METTL24: variants seen among roughly 807,000 people sequenced by gnomAD.
The protein encoded by METTL24 is methyltransferase like 24, also known as probable methyltransferase-like protein 24.
In METTL24, 29 loss-of-function variants were observed where a neutral mutation model predicts 32.7. The observed-to-expected ratio is 0.89, with a 90% CI of 0.66 to 1.21. The LOEUF (loss-of-function observed/expected upper bound fraction) is 1.21, where lower values mean the gene tolerates loss of function less well. Among genes scored for constraint, METTL24 ranks in the 50% most tolerant of loss-of-function variants. The pLI, the probability that METTL24 is intolerant of heterozygous loss-of-function variation, is 0.00. For missense variants in METTL24, 439 were observed against 468.1 expected (o/e 0.94, Z 0.57); for synonymous variants, 163 against 179.5 (o/e 0.91, Z 0.73).
intron 3 of METTL24, 47 bp from the exon 4 acceptor site, chr6:110,299,197 CA>C: frequency 1.3e-6 from 2 of 1,549,332 alleles, no homozygotes; most frequent in Non-Finnish European, 1.8e-6. Context: ...TGCAATGAAG[CA>C]AAGTGTTGGA....
intron 1 of METTL24, among the ~76,000 whole-genome samples, chr6:110,328,185 A>C (rs567863467): frequency 1.3e-5 from 2 of 152,324 alleles, no homozygotes; most frequent in African/African-American, 4.8e-5. Context: ...GGGCATTCAT[A>C]CAGAGGGGCC....
chr6:110,349,081 C>G (rs908128799), intron 1 of METTL24, among the ~76,000 whole-genome samples: 2 of 152,192 alleles, frequency 1.3e-5, no homozygotes, highest in Non-Finnish European at 2.9e-5. Flanking sequence ...TGAGGCATCC[C>G]AAACAGCGAA....
At chr6:110,265,183 AAGAAAGAAAG>A (rs1304103828) in intron 4 of METTL24, among the ~76,000 whole-genome samples, 1 of 137,716 alleles carries the variant, frequency 7.3e-6, no homozygotes, top group Non-Finnish European at 1.6e-5. Context: ...GAAAGAAAGA[AAGAAAGAAAG>A]AAAGAAAGTT....
intron 4 of METTL24, among the ~76,000 whole-genome samples, chr6:110,255,158 T>C (rs1358305947): frequency 6.6e-6 from 1 of 152,160 alleles, no homozygotes; most frequent in Non-Finnish European, 1.5e-5. Context: ...TCTGAACTAA[T>C]AATAAAATAA....
chr6:110,294,168 G>C (rs940012455), intron 4 of METTL24, among the ~76,000 whole-genome samples: 2 of 151,944 alleles, frequency 1.3e-5, no homozygotes, highest in African/African-American at 4.8e-5. Flanking sequence ...TGGTGAGAGA[G>C]AGTGAGAGAG....
chr6:110,306,832 G>T (rs1333572914), intron 3 of METTL24, among the ~76,000 whole-genome samples: 1 of 152,154 alleles, frequency 6.6e-6, no homozygotes, highest in Non-Finnish European at 1.5e-5. Context: ...ATCCAATCCA[G>T]GTAGATCCAG....
intron 4 of METTL24, among the ~76,000 whole-genome samples, chr6:110,264,901 T>TC (rs1362379104): frequency 2.0e-5 from 3 of 151,736 alleles, no homozygotes; most frequent in African/African-American, 7.3e-5. Flanking sequence ...ATGTTCTCAC[T>TC]CATAGGTGGG....
intron 3 of METTL24, among the ~76,000 whole-genome samples, chr6:110,300,090 A>C (rs2114732837): frequency 6.6e-6 from 1 of 152,272 alleles, no homozygotes; most frequent in Non-Finnish European, 1.5e-5. Flanking sequence ...TTTTTCAATA[A>C]ATACAGTGAG....
chr6:110,251,937 A>G (rs1348432000), intron 4 of METTL24, among the ~76,000 whole-genome samples: 1 of 152,162 alleles, frequency 6.6e-6, no homozygotes, highest in African/African-American at 2.4e-5. Flanking sequence ...TGAGGCCAGG[A>G]TTTCGAGACC....
chr6:110,292,697 T>C (rs1364827381), intron 4 of METTL24, among the ~76,000 whole-genome samples: 1 of 152,062 alleles, frequency 6.6e-6, no homozygotes, highest in Non-Finnish European at 1.5e-5. Context: ...TTTTGTGACT[T>C]CCTAACTCCA....
chr6:110,356,990 A>T (rs1481339595), intron 1 of METTL24, among the ~76,000 whole-genome samples: 1 of 152,096 alleles, frequency 6.6e-6, no homozygotes, highest in African/African-American at 2.4e-5. Context: ...GCAAAGGAAG[A>T]GTTGTTCCCT....
chr6:110,261,671 C>G (rs989109608), intron 4 of METTL24, among the ~76,000 whole-genome samples: 1 of 152,198 alleles, frequency 6.6e-6, no homozygotes, highest in Non-Finnish European at 1.5e-5. Flanking sequence ...ACATTCTTCT[C>G]AGCACCACAC....
In METTL24 at chr6:110,245,667, A is replaced by T. The variant is rs917613149; in HGVS notation, c.*279T>A. Among the ~76,000 whole-genome samples, 1 of 152,242 alleles carries T rather than the reference A, an allele frequency of 6.6e-6. No individual in the cohort carries two copies. Among genetic ancestry groups the T allele is most frequent in the Non-Finnish European group, 1.5e-5 (1 of 68,038 alleles). ...GAATTCATAGATTATAGATACATAGAGAATTTTAGGGAAAACTGTGATGAG... is the reference window on the plus strand; with the variant it reads ...GAATTCATAGATTATAGATACATAGTGAATTTTAGGGAAAACTGTGATGAG... On this transcript the variant is annotated 3_prime_UTR_variant, in exon 5 of 5. Transcript: ENST00000338882.
intron 1 of METTL24, among the ~76,000 whole-genome samples, chr6:110,334,055 G>A (rs773110747): frequency 6.7e-6 from 1 of 150,324 alleles, no homozygotes; most frequent in Non-Finnish European, 1.5e-5. Flanking sequence ...AAAAAAAGTG[G>A]GGGGAGGAAT....
At chr6:110,330,257 C>T (rs1419169606) in intron 1 of METTL24, among the ~76,000 whole-genome samples, 2 of 152,190 alleles carry the variant, frequency 1.3e-5, no homozygotes, top group African/African-American at 2.4e-5. Context: ...TCTGCGAAAA[C>T]GGAAGTTTCC....
rs533597923 is a variant in METTL24, at chr6:110,298,903, A to G, written c.786+19T>C. The stretch of plus-strand genomic sequence containing the variant: ...TTTGTTTACTTTATTCAAGTATAAA[A>G]TCAAATGAAAAACCTCACCTTGTGA... On this transcript the variant is annotated intron_variant, in intron 4 of 4. Coordinates refer to ENST00000338882, the MANE Select transcript of METTL24 (RefSeq NM_001123364.3). 73 of 1,607,534 alleles carry G rather than the reference A, an allele frequency of 4.5e-5. 1 individual carries two copies. In the South Asian group the frequency reaches 7.7e-4, roughly 17 times the overall value.
At chr6:110,280,119 G>A (rs1018426797) in intron 4 of METTL24, among the ~76,000 whole-genome samples, 18 of 152,060 alleles carry the variant, frequency 1.2e-4, no homozygotes, top group African/African-American at 4.1e-4. Flanking sequence ...TGAGAAACCC[G>A]CCCACATGAG....
intron 4 of METTL24, among the ~76,000 whole-genome samples, chr6:110,290,963 AT>A (rs768365433): frequency 4.4e-4 from 67 of 152,234 alleles, no homozygotes; most frequent in Non-Finnish European, 5.9e-5. Flanking sequence ...AACTAATCAT[AT>A]TCAGCATCTT....
chr6:110,312,546 G>A (rs1771742572), intron 3 of METTL24, among the ~76,000 whole-genome samples: 1 of 152,156 alleles, frequency 6.6e-6, no homozygotes, highest in African/African-American at 2.4e-5. Flanking sequence ...GTCATTTGCA[G>A]CAACATGTTT....
Sources: gnomAD v4.1 joint callset for allele counts (sites outside exome capture counted in the v4.1 genomes callset) on GRCh38, gnomAD v4.1.1 for gene constraint, MANE v1.5 for transcripts, NCBI Gene and HGNC (gene_info 2026-07-23, HGNC 2026-07-21) for gene names.